Variants in GRID2 observed in about 807,000 individuals in gnomAD.
GRID2 encodes glutamate receptor ionotropic, delta-2.
A neutral mutation model predicts 114.8 loss-of-function variants in GRID2; 33 were observed. That is an observed-to-expected ratio of 0.29 (90% CI 0.22 to 0.38). The LOEUF is 0.38. Among genes scored for constraint, GRID2 ranks in the 10% least tolerant of loss-of-function variants. The pLI is 1.00. For synonymous variants in GRID2, 505 were observed against 449.9 expected (o/e 1.12, Z -1.55); for missense variants, 1,184 against 1,257.7 (o/e 0.94, Z 0.89).
At chr4:92,422,540 ATTAG>A (rs1484371427) in intron 1 of GRID2, among the ~76,000 whole-genome samples, 16 of 152,176 alleles carry the variant, frequency 1.1e-4, no homozygotes, top group Admixed American at 2.6e-4. Context: ...AGCGGTGTTA[ATTAG>A]TTAGGTAGGA....
At chr4:92,990,303 ATATGTGTG>A (rs1375465454) in intron 2 of GRID2, among the ~76,000 whole-genome samples, 5 of 137,346 alleles carry the variant, frequency 3.6e-5, no homozygotes, top group Admixed American at 1.5e-4. Context: ...ATATATATAT[ATATGTGTG>A]TGTGTGTGTG....
chr4:92,820,078 G>C (rs897080768), intron 2 of GRID2, among the ~76,000 whole-genome samples: 1 of 152,024 alleles, frequency 6.6e-6, no homozygotes, highest in African/African-American at 2.4e-5. Context: ...AAGATACTCT[G>C]CTTTGCATAT....
At chr4:93,136,232 T>TTGTGTGTGTG (rs3970984) in intron 4 of GRID2, among the ~76,000 whole-genome samples, 31 of 142,362 alleles carry the variant, frequency 2.2e-4, no homozygotes, top group African/African-American at 7.0e-4. Context: ...CCAACAGTTA[T>TTGTGTGTGTG]TGTGTGTGTG....
At chr4:92,669,749 T>C (rs1463545265) in intron 2 of GRID2, among the ~76,000 whole-genome samples, 2 of 152,042 alleles carry the variant, frequency 1.3e-5, no homozygotes, top group Non-Finnish European at 2.9e-5. Context: ...ATAATTTTAC[T>C]TATGATAGAG....
At chr4:92,907,156 C>A (rs932039749) in intron 2 of GRID2, among the ~76,000 whole-genome samples, 10 of 152,222 alleles carry the variant, frequency 6.6e-5, no homozygotes, top group African/African-American at 2.2e-4. Context: ...TTTTTCCATT[C>A]CAGATCATTC....
chr4:92,491,530 C>T (rs1160623730), intron 1 of GRID2, among the ~76,000 whole-genome samples: 2 of 152,138 alleles, frequency 1.3e-5, no homozygotes, highest in Non-Finnish European at 2.9e-5. Flanking sequence ...TGGTGTTTTA[C>T]TACATTCTCT....
At chr4:92,866,983 T>C (rs1270571679) in intron 2 of GRID2, among the ~76,000 whole-genome samples, 2 of 152,168 alleles carry the variant, frequency 1.3e-5, no homozygotes, top group Non-Finnish European at 2.9e-5. Context: ...TCAATGAAGC[T>C]TTTATGTCCA....
chr4:93,807,573 A>G (rs1735056303), exon 2 of GRID2: 1 of 152,178 alleles, frequency 6.6e-6, no homozygotes, highest in African/African-American at 2.4e-5. Flanking sequence ...CACACTTAGT[A>G]CATGTGTCAT....
chr4:93,338,300 T>C (rs760571338), intron 8 of GRID2, among the ~76,000 whole-genome samples: 4 of 152,108 alleles, frequency 2.6e-5, no homozygotes, highest in Non-Finnish European at 5.9e-5. Context: ...CTAAATCCAA[T>C]CAACAAAGCA....
chr4:92,419,649 T>C (rs1197549876), intron 1 of GRID2, among the ~76,000 whole-genome samples: 8 of 151,930 alleles, frequency 5.3e-5, no homozygotes, highest in Admixed American at 5.3e-4. Context: ...TGAGTAAAAG[T>C]TAGAAAAGGG....
intron 1 of GRID2, among the ~76,000 whole-genome samples, chr4:92,577,511 G>A (rs909088334): frequency 6.6e-6 from 1 of 152,184 alleles, no homozygotes; most frequent in African/African-American, 2.4e-5. Context: ...TGATGAGAAG[G>A]ATCAGAGGGT....
At chr4:92,860,200 T>C (rs979750919) in intron 2 of GRID2, among the ~76,000 whole-genome samples, 1 of 152,036 alleles carries the variant, frequency 6.6e-6, no homozygotes, top group Admixed American at 6.6e-5. Flanking sequence ...TAATTTATAC[T>C]GGAAAATTCT....
intron 8 of GRID2, among the ~76,000 whole-genome samples, chr4:93,266,500 G>T (rs921787831): frequency 6.6e-6 from 1 of 151,894 alleles, no homozygotes; most frequent in Non-Finnish European, 1.5e-5. Flanking sequence ...AGCCCAAAAG[G>T]TTGAGTGTAT....
Position 92,925,453 on chromosome 4 carries a change from C to T in GRID2, c.245-159542C>T, listed in dbSNP as rs187930322. ...AAGTAATGAAAGCTGACTACATTTT[C>T]AAAGCAACTACTATTTTAAGAAGAG... On this transcript the variant is annotated intron_variant, in intron 2 of 15. Transcript: ENST00000282020. Among the ~76,000 whole-genome samples the T allele has an allele frequency of 1.7e-3, 258 of 152,090 alleles. 1 individual carries two copies. Among genetic ancestry groups the T allele is most frequent in the African/African-American group, 6.0e-3 (250 of 41,530 alleles).
At chr4:93,329,433 G>A (rs574233947) in intron 8 of GRID2, among the ~76,000 whole-genome samples, 1 of 152,100 alleles carries the variant, frequency 6.6e-6, no homozygotes, top group Admixed American at 6.6e-5. Flanking sequence ...ATAATAATAT[G>A]TCTAAGATTC....
intron 8 of GRID2, among the ~76,000 whole-genome samples, chr4:93,284,565 T>G (rs1752956698): frequency 6.6e-6 from 1 of 151,670 alleles, no homozygotes; most frequent in Non-Finnish European, 1.5e-5. Flanking sequence ...AGCACATTTT[T>G]CAATTATGTG....
intron 1 of GRID2, among the ~76,000 whole-genome samples, chr4:92,414,027 G>A (rs1165704952): frequency 1.3e-5 from 2 of 152,042 alleles, no homozygotes; most frequent in Admixed American, 1.3e-4. Context: ...TAACAAAATG[G>A]GAATAATATA....
At chr4:92,598,081 T>C (rs1027438035) in intron 2 of GRID2, among the ~76,000 whole-genome samples, 9 of 152,220 alleles carry the variant, frequency 5.9e-5, no homozygotes, top group Non-Finnish European at 1.3e-4. Flanking sequence ...TCACACTGAA[T>C]AGTCTTTTGG....
chr4:93,051,265 T>C lies in GRID2; in HGVS notation c.245-33730T>C, dbSNP rs542160946. 5.3e-5 allele frequency among the ~76,000 whole-genome samples: 8 copies of C among 152,178 alleles called. No individual in the cohort carries two copies. In the South Asian group the frequency reaches 1.7e-3, roughly 32 times the overall value. On this transcript the variant is annotated intron_variant, in intron 2 of 15. Coordinates refer to ENST00000282020, the MANE Select transcript of GRID2 (RefSeq NM_001510.4). ...TAAATACCTTGGGGGAGAAACGCAT[T>C]ACTGATTAAGAAGAAATAAAAGCAG... is the stretch of plus-strand genomic sequence containing the variant.
Sources: gnomAD v4.1 joint callset for allele counts (sites outside exome capture counted in the v4.1 genomes callset) on GRCh38, gnomAD v4.1.1 for gene constraint, MANE v1.5 for transcripts, NCBI Gene and HGNC (gene_info 2026-07-23, HGNC 2026-07-21) for gene names.